The following MAN2A1 variants were observed in gnomAD, a reference collection of about 807,000 sequenced individuals.
MAN2A1 encodes mannosidase alpha class 2A member 1, also known as alpha-mannosidase 2.
Under a neutral mutation model 142.6 loss-of-function variants are expected in MAN2A1, and 76 were observed. That is an observed-to-expected ratio of 0.53 (90% CI 0.44 to 0.65). The LOEUF is 0.65. Among genes scored for constraint, MAN2A1 ranks in the 30% least tolerant of loss-of-function variants. The pLI, the probability that MAN2A1 is intolerant of heterozygous loss-of-function variation, is 0.00. For missense variants in MAN2A1, 1,311 were observed against 1,365.1 expected (o/e 0.96, Z 0.62); for synonymous variants, 559 against 473.2 (o/e 1.18, Z -2.35).
intron 1 of MAN2A1, among the ~76,000 whole-genome samples, chr5:109,694,851 A>G (rs974107873): frequency 8.5e-5 from 13 of 152,198 alleles, no homozygotes; most frequent in African/African-American, 3.1e-4. Flanking sequence ...TAAGAATGAC[A>G]TATAAGGAAA....
intron 8 of MAN2A1, among the ~76,000 whole-genome samples, chr5:109,777,370 G>A (rs1482347055): frequency 6.6e-6 from 1 of 151,866 alleles, no homozygotes; most frequent in African/African-American, 2.4e-5. Context: ...ATCCTCTTTT[G>A]TGAAGTACCT....
chr5:109,816,678 T>C (rs1459514769), intron 12 of MAN2A1, among the ~76,000 whole-genome samples: 2 of 152,214 alleles, frequency 1.3e-5, no homozygotes. Context: ...GTGAATTTTT[T>C]TTATTCTGTG....
At chr5:109,825,616 C>G (rs1754734966) in intron 16 of MAN2A1, among the ~76,000 whole-genome samples, 1 of 152,150 alleles carries the variant, frequency 6.6e-6, no homozygotes, top group Admixed American at 6.5e-5. Context: ...TAGTGCTTGA[C>G]TTGGAAATTA....
rs141356251 is a variant in MAN2A1 at position 109,819,032 on chromosome 5, A to G, written c.2110-637A>G. Among the ~76,000 whole-genome samples the G allele has an allele frequency of 2.2e-3, 328 of 152,318 alleles. 2 individuals are homozygous for G. Among genetic ancestry groups the G allele is most frequent in the African/African-American group, 7.4e-3 (309 of 41,566 alleles). On this transcript the variant is annotated intron_variant, in intron 13 of 21. Transcript: ENST00000261483. Reference sequence around the variant, plus strand: ...ACAATGGCTCAACCTAGATTTTTCAATTTTATAATAGCGTGAAAGTAATGT... The same window carrying G: ...ACAATGGCTCAACCTAGATTTTTCAGTTTTATAATAGCGTGAAAGTAATGT...
At chr5:109,749,814 T>C (rs1230426769) in intron 4 of MAN2A1, among the ~76,000 whole-genome samples, 2 of 152,094 alleles carry the variant, frequency 1.3e-5, no homozygotes, top group Non-Finnish European at 2.9e-5. Flanking sequence ...AATAGTTCAA[T>C]TGATACCTGT....
intron 4 of MAN2A1, among the ~76,000 whole-genome samples, chr5:109,746,167 G>A (rs1454331583): frequency 6.6e-6 from 1 of 152,084 alleles, no homozygotes; most frequent in Non-Finnish European, 1.5e-5. Flanking sequence ...TGGAGATGGG[G>A]TTTCGCCATG....
intron 18 of MAN2A1, among the ~76,000 whole-genome samples, chr5:109,846,537 A>G (rs1755348291): frequency 6.6e-6 from 1 of 152,208 alleles, no homozygotes; most frequent in South Asian, 2.1e-4. Context: ...GTGAGAGAAA[A>G]TAGTCAATAG....
intron 12 of MAN2A1, among the ~76,000 whole-genome samples, chr5:109,797,582 G>A (rs1427834446): frequency 6.6e-6 from 1 of 152,108 alleles, no homozygotes; most frequent in Non-Finnish European, 1.5e-5. Context: ...TGGAGGACAA[G>A]ATTCCAACAA....
chr5:109,844,092 G>A (rs1755286356), intron 17 of MAN2A1, among the ~76,000 whole-genome samples: 1 of 152,094 alleles, frequency 6.6e-6, no homozygotes. Flanking sequence ...ACTTCATGGT[G>A]ATTCATTTTT....
intron 5 of MAN2A1, among the ~76,000 whole-genome samples, chr5:109,755,657 C>T (rs1266179689): frequency 6.6e-6 from 1 of 152,026 alleles, no homozygotes; most frequent in Non-Finnish European, 1.5e-5. Flanking sequence ...TTAGGATCAT[C>T]TACCTTGTTT....
In MAN2A1 at chr5:109,713,724, G is replaced by T; in HGVS notation, c.340G>T (p.Ala114Ser). The T allele has an allele frequency of 3.1e-6, 5 of 1,613,900 alleles. No individual in the cohort carries two copies. The highest frequency in any genetic ancestry group is 4.2e-6 in the Non-Finnish European group (5 of 1,179,958). ...ACAATTATCCCTCTCAGTTGACACT[G>T]CAGACTGTCTGTTTGCTTCACAAAG... Reference protein sequence around the residue: ...PSQLSLSVDTADCLFASQSGS... With the variant: ...PSQLSLSVDTSDCLFASQSGS... Residue 114 changes from alanine to serine, a missense_variant, in exon 2 of 22, where the codon GCA becomes TCA. Coordinates refer to ENST00000261483, the MANE Select transcript of MAN2A1 (RefSeq NM_002372.4).
intron 4 of MAN2A1, 40 bp from the exon 5 acceptor site, chr5:109,755,289 T>G (rs1409920672): frequency 6.6e-7 from 1 of 1,514,414 alleles, no homozygotes; most frequent in East Asian, 2.3e-5. Flanking sequence ...GAACTTTTCT[T>G]AACATTTATT....
At chr5:109,788,792 A>G (rs1050507095) in intron 10 of MAN2A1, 142 bp from the exon 11 acceptor site, 11 of 558,542 alleles carry the variant, frequency 2.0e-5, no homozygotes, top group Admixed American at 3.4e-5. Context: ...AAAAAAGAGC[A>G]GGTTTGTCAT....
intron 14 of MAN2A1, 105 bp from the exon 15 acceptor site, chr5:109,820,115 A>G (rs1156279313): frequency 9.8e-7 from 1 of 1,021,740 alleles, no homozygotes; most frequent in Non-Finnish European, 1.4e-6. Flanking sequence ...TCCACCAGAT[A>G]AGTACAGAAA....
intron 7 of MAN2A1, among the ~76,000 whole-genome samples, chr5:109,770,860 T>G (rs549342585): frequency 6.6e-6 from 1 of 152,336 alleles, no homozygotes; most frequent in East Asian, 1.9e-4. Flanking sequence ...TTTTGTTGAA[T>G]AAAACTTCTG....
At chr5:109,742,919 G>A (rs762501010) in intron 4 of MAN2A1, among the ~76,000 whole-genome samples, 6 of 152,148 alleles carry the variant, frequency 3.9e-5, no homozygotes, top group Non-Finnish European at 7.4e-5. Flanking sequence ...TGAGTGAGAC[G>A]GCTATCCTTC....
chr5:109,721,317 T>C (rs1751597197), intron 3 of MAN2A1, among the ~76,000 whole-genome samples: 1 of 152,226 alleles, frequency 6.6e-6, no homozygotes. Flanking sequence ...TCTTGTGTTG[T>C]AGGCATTAGC....
intron 10 of MAN2A1, among the ~76,000 whole-genome samples, chr5:109,786,198 A>G (rs538759257): frequency 6.6e-6 from 1 of 152,146 alleles, no homozygotes; most frequent in African/African-American, 2.4e-5. Flanking sequence ...GATGATAAAG[A>G]TGGTATTTCT....
intron 7 of MAN2A1, among the ~76,000 whole-genome samples, chr5:109,770,996 C>A (rs865991346): frequency 6.6e-6 from 1 of 152,038 alleles, no homozygotes; most frequent in Non-Finnish European, 1.5e-5. Flanking sequence ...TGAATGCTTC[C>A]CAGCTCTGGT....
Sources: gnomAD v4.1 joint callset for allele counts (sites outside exome capture counted in the v4.1 genomes callset) on GRCh38, gnomAD v4.1.1 for gene constraint, MANE v1.5 for transcripts, NCBI Gene and HGNC (gene_info 2026-07-23, HGNC 2026-07-21) for gene names.